DYRK4: variants seen among roughly 807,000 people sequenced by gnomAD.
DYRK4 encodes dual specificity tyrosine phosphorylation regulated kinase 4.
In DYRK4, 64 loss-of-function variants were observed where a neutral mutation model predicts 68.3. The observed-to-expected ratio is 0.94, with a 90% CI of 0.77 to 1.15. DYRK4 has a LOEUF of 1.15. Ranked by LOEUF, DYRK4 falls within the 50% of genes most tolerant of loss-of-function variation. The probability of loss-of-function intolerance (pLI) is 0.00; values close to 1 mark genes in which losing one functional copy is unlikely to be tolerated. For missense variants in DYRK4, 740 were observed against 764.7 expected, an observed-to-expected ratio of 0.97 and a Z score of 0.38; for synonymous variants, 274 against 289.9, an observed-to-expected ratio of 0.95 and a Z score of 0.56.
At chr12:4,607,424 T>C (rs1186022743) in intron 12 of DYRK4, 37 bp downstream of exon 12, 1 of 1,603,910 alleles carries the variant, frequency 6.2e-7, no homozygotes, top group Admixed American at 1.7e-5. Context: ...GTCACAGGCC[T>C]TGAAGACACC....
rs1339800516 is a variant in DYRK4 at position 4,562,251 on chromosome 12, G to A, written c.6G>A (p.Gln2=). M[Q]LLPPPIRTGT... is the part of the protein sequence containing the mutation. ...GGGCGGTCAGCGCCGGCCTCATGCA[G>A]CTCCTCCCGCCGCCTATCCGCACCG... Residue 2 remains glutamine (Q), a synonymous_variant, in exon 1 of 15, where the codon CAG becomes CAA. Transcript: ENST00000543431. 2 of 1,532,048 alleles carry A rather than the reference G, an allele frequency of 1.3e-6. No individual in the cohort carries two copies. Among genetic ancestry groups the A allele is most frequent in the African/African-American group, 1.4e-5 (1 of 72,780 alleles). 94.9% of individuals were successfully genotyped at this position (1,532,048 alleles called of 1,614,324 possible).
At chr12:4,602,299 C>G (rs1945090335) in intron 10 of DYRK4, 1 of 956,282 alleles carries the variant, frequency 1.0e-6, no homozygotes, top group African/African-American at 1.6e-5. Flanking sequence ...GCCATTCTCC[C>G]TCTTTTTTTC....
chr12:4,567,933 T>C (rs1944693474), intron 1 of DYRK4, 22 bp from the exon 2 acceptor site: 1 of 1,531,606 alleles, frequency 6.5e-7, no homozygotes, highest in African/African-American at 1.4e-5. Context: ...TGCCAATTTA[T>C]TTTTTACTTT....
intron 2 of DYRK4, among the ~76,000 whole-genome samples, chr12:4,582,578 A>G (rs892550536): frequency 6.6e-6 from 1 of 152,244 alleles, no homozygotes; most frequent in Non-Finnish European, 1.5e-5. Flanking sequence ...AGCACAGGGT[A>G]GCGAGTGGCT....
chr12:4,582,849 C>T (rs867935551), intron 2 of DYRK4, among the ~76,000 whole-genome samples: 5 of 152,082 alleles, frequency 3.3e-5, no homozygotes, highest in Admixed American at 1.3e-4. Context: ...AGGGTTGAGG[C>T]TGGGGGCGCT....
intron 13 of DYRK4, 23 bp from the exon 14 acceptor site, chr12:4,612,520 T>C (rs746765302): frequency 6.8e-6 from 11 of 1,606,286 alleles, no homozygotes; most frequent in Middle Eastern, 1.7e-4. Flanking sequence ...CAATAACCCA[T>C]GTGGGGCTTT....
In DYRK4 at chr12:4,591,986, A is replaced by G. The variant is rs924885894; in HGVS notation, c.463+688A>G. 6.6e-6 allele frequency among the ~76,000 whole-genome samples: 1 copy of G among 152,100 alleles called. No homozygotes were observed. The highest frequency in any genetic ancestry group is 6.5e-5 in the Admixed American group (1 of 15,270). ...GCTAGACTTTTAATGGGATTCAGAG[A>G]CTCATAACCTATTAGGATGCAAAGG... On this transcript the variant is annotated intron_variant, in intron 5 of 14. Transcript: ENST00000543431. The surrounding 1 kb of genome is among the most constrained non-coding windows in gnomAD (Gnocchi z 4.1).
Position 4,610,180 on chromosome 12 carries a change from A to T in DYRK4, c.1386A>T (p.Ile462=), listed in dbSNP as rs987413339. The change falls in exon 13 of 15, where the codon ATA becomes ATT. Residue 462 remains isoleucine, a synonymous_variant. Transcript: ENST00000543431. ...FFDSKGFPKN[I]TNNRGKKRYP... is the part of the protein sequence containing the mutation. ...ATTCCAAAGGTTTTCCTAAAAATATAACCAACAACAGGGGGAAAAAAAGAT... is the reference window on the plus strand; with the variant it reads ...ATTCCAAAGGTTTTCCTAAAAATATTACCAACAACAGGGGGAAAAAAAGAT... The T allele has an allele frequency of 5.0e-6, 8 of 1,599,694 alleles. No homozygotes were observed. Among genetic ancestry groups the T allele is most frequent in the Non-Finnish European group, 6.8e-6 (8 of 1,175,320 alleles).
intron 1 of DYRK4, among the ~76,000 whole-genome samples, chr12:4,563,475 T>C (rs1944648803): frequency 6.6e-6 from 1 of 152,230 alleles, no homozygotes; most frequent in African/African-American, 2.4e-5. Flanking sequence ...TGTGTTGTGA[T>C]GGCTCCCCAA....
At chr12:4,605,533 A>G (rs975701788) in intron 11 of DYRK4, among the ~76,000 whole-genome samples, 5 of 152,046 alleles carry the variant, frequency 3.3e-5, no homozygotes, top group Non-Finnish European at 4.4e-5. Flanking sequence ...CTAATTTAAT[A>G]TACGTTTATG....
Position 4,590,144 on chromosome 12 carries a change from T to A in DYRK4, c.214-186T>A, listed in dbSNP as rs928544892. On this transcript the variant is annotated intron_variant, in intron 3 of 14. Transcript: ENST00000543431. ...CAGGGACTCAAACCCAGAGCCCATGTGTTTGTTGACTCTGCTGCTCTGGAA... is the reference window on the plus strand; with the variant it reads ...CAGGGACTCAAACCCAGAGCCCATGAGTTTGTTGACTCTGCTGCTCTGGAA... 37 of 1,348,378 alleles carry A rather than the reference T, an allele frequency of 2.7e-5. No homozygotes were observed. In the African/African-American group the frequency reaches 5.3e-4, roughly 19 times the overall value. 83.5% of individuals were successfully genotyped at this position (1,348,378 alleles called of 1,614,324 possible).
chr12:4,598,984 T>A (rs3741926), intron 8 of DYRK4, 44 bp from the exon 9 acceptor site: 507,466 of 1,607,618 alleles, frequency 0.32, 80,771 homozygotes, highest in Admixed American at 0.32. Context: ...CAGCCTTATA[T>A]GTTTTTTTAC....
At chr12:4,570,716 G>C (rs529667638) in intron 2 of DYRK4, among the ~76,000 whole-genome samples, 3 of 152,112 alleles carry the variant, frequency 2.0e-5, no homozygotes, top group African/African-American at 4.8e-5. Flanking sequence ...TAAAATTATA[G>C]ATTATAAGTG....
At chr12:4,603,322 A>G in intron 10 of DYRK4, 1 of 694,228 alleles carries the variant, frequency 1.4e-6, no homozygotes, top group Non-Finnish European at 2.4e-6. Context: ...TGCTGGCATC[A>G]CTTTTTTCAT....
At chr12:4,599,624 C>A in intron 9 of DYRK4, 83 bp from the exon 10 acceptor site, 1 of 1,026,978 alleles carries the variant, frequency 9.7e-7, no homozygotes, top group Admixed American at 2.1e-5. Flanking sequence ...GAACTGGGCC[C>A]TGAAGGATGA....
At chr12:4,582,413 C>T (rs1343360683) in intron 2 of DYRK4, among the ~76,000 whole-genome samples, 1 of 152,102 alleles carries the variant, frequency 6.6e-6, no homozygotes, top group African/African-American at 2.4e-5. Flanking sequence ...CACTGCACTC[C>T]AGCAATAAGA....
Position 4,593,138 on chromosome 12 carries a change from T to A in DYRK4, c.600T>A (p.Phe200Leu), listed in dbSNP as rs150048576. 2 of 1,613,950 alleles carry A rather than the reference T, an allele frequency of 1.2e-6. No homozygotes were observed. The highest frequency in any genetic ancestry group is 3.3e-5 in the Admixed American group (2 of 60,008). The change falls in exon 6 of 15, where the codon TTT becomes TTA. Residue 200 changes from phenylalanine (F) to leucine (L), a missense_variant. Physicochemically the swap from Phe to Leu is conservative, Grantham distance 22. Around this residue, in one of 3 missense-constraint regions of DYRK4, gnomAD observed 614 missense variants for 603.7 expected, o/e 1.02. Coordinates refer to ENST00000543431, the MANE Select transcript of DYRK4 (RefSeq NM_001394779.1). ...CTGAGAAATTTAGCAAGACGAGTTT[T>A]GATGATGAGCATGGCTTCTATCTGA... is the stretch of plus-strand genomic sequence containing the variant. Reference protein sequence around the residue: ...TAPEKFSKTSFDDEHGFYLKV... With the variant: ...TAPEKFSKTSLDDEHGFYLKV...
chr12:4,587,299 C>T (rs577900785), intron 2 of DYRK4, among the ~76,000 whole-genome samples: 77 of 152,266 alleles, frequency 5.1e-4, no homozygotes, highest in African/African-American at 1.8e-3. Flanking sequence ...CCCGTCCTCT[C>T]GGTTAAAGCC....
intron 10 of DYRK4, among the ~76,000 whole-genome samples, chr12:4,600,256 C>A (rs1409651117): frequency 2.0e-5 from 3 of 150,520 alleles, no homozygotes; most frequent in Middle Eastern, 6.8e-3. Flanking sequence ...ACAGCGTTTA[C>A]TGAACTTTAT....
Sources: gnomAD v4.1 joint callset for allele counts (sites outside exome capture counted in the v4.1 genomes callset) on GRCh38, gnomAD v4.1.1 for gene constraint, gnomAD v4.1.1 regional missense constraint, Gnocchi (gnomAD v3.1) non-coding constraint, MANE v1.5 for transcripts, NCBI Gene and HGNC (gene_info 2026-07-23, HGNC 2026-07-21) for gene names.